MB21D2: variants seen among roughly 807,000 people sequenced by gnomAD.
The protein encoded by MB21D2 is Mab-21 domain containing 2.
A neutral mutation model predicts 33.3 loss-of-function variants in MB21D2; 9 were observed. The observed-to-expected ratio is 0.27, with a 90% CI of 0.16 to 0.47. The LOEUF is 0.47. Among genes scored for constraint, MB21D2 ranks in the 20% least tolerant of loss-of-function variants. MB21D2 has a pLI of 0.99. For synonymous variants in MB21D2, 241 were observed against 236.3 expected, an observed-to-expected ratio of 1.02 and a Z score of -0.18; for missense variants, 540 against 624.6, an observed-to-expected ratio of 0.86 and a Z score of 1.44.
chr3:192,899,152 T>C (rs1429314981), intron 1 of MB21D2, among the ~76,000 whole-genome samples: 4 of 152,158 alleles, frequency 2.6e-5, no homozygotes, highest in African/African-American at 9.7e-5. Flanking sequence ...AAGAAATACA[T>C]GGTAAAACGG....
rs201114331 is a variant in MB21D2 at position 192,908,399 on chromosome 3, C to CT, written c.211+9230dup. ...AAACACAGGAAAGGTAAATTTTCTT[C>CT]TTTTTTTTTTTTTTTTTGAGACAGA... On this transcript the variant is annotated intron_variant, in intron 1 of 1. Transcript: ENST00000392452. 5.0e-3 allele frequency among the ~76,000 whole-genome samples: 695 copies of CT among 137,884 alleles called. 3 individuals carry two copies. The highest frequency in any genetic ancestry group is 0.011 in the African/African-American group (414 of 38,120). 90.5% of individuals were successfully genotyped at this position (137,884 alleles called of 152,430 possible). A position where few individuals can be genotyped will look rare whatever the true frequency, so the allele number is the denominator to read the frequency against.
rs550141658 is a variant in MB21D2 at position 192,863,020 on chromosome 3, C to T, written c.211+54610G>A. Among the ~76,000 whole-genome samples, 3 of 152,252 alleles carry T rather than the reference C, an allele frequency of 2.0e-5. No individual in the cohort carries two copies. In the South Asian group the frequency reaches 6.2e-4, roughly 32 times the overall value. On this transcript the variant is annotated intron_variant, in intron 1 of 1. Transcript: ENST00000392452. The stretch of plus-strand genomic sequence containing the variant: ...AAGGGCAGAGACCTCATGACCTAAT[C>T]ACCTGCTGAAGGTTCCATCTCTTAA...
chr3:192,797,531 A>C lies in MB21D2; in HGVS notation c.*855T>G, dbSNP rs1262913526. ...TGCAAAGAATCATTTCACTGATAGA[A>C]ATGGGCAAAATGAAAAAATGATAGA... On this transcript the variant is annotated 3_prime_UTR_variant, in exon 2 of 2. Transcript: ENST00000392452. 6.6e-6 allele frequency: 1 copy of C among 152,620 alleles called. No homozygotes were observed. Among genetic ancestry groups the C allele is most frequent in the Non-Finnish European group, 1.5e-5 (1 of 68,042 alleles). 9.5% of individuals were successfully genotyped at this position (152,620 alleles called of 1,614,324 possible).
chr3:192,884,233 C>G (rs1163908912), intron 1 of MB21D2, among the ~76,000 whole-genome samples: 8 of 152,150 alleles, frequency 5.3e-5, no homozygotes, highest in African/African-American at 1.4e-4. Context: ...CATTCCTTAA[C>G]TTCTCCACCA....
chr3:192,857,064 C>T (rs1301311563), intron 1 of MB21D2, among the ~76,000 whole-genome samples: 2 of 152,094 alleles, frequency 1.3e-5, no homozygotes, highest in African/African-American at 2.4e-5. Context: ...GCTATGACTG[C>T]ATGCTTTTCA....
intron 1 of MB21D2, among the ~76,000 whole-genome samples, chr3:192,910,829 AG>A (rs1449032072): frequency 6.6e-6 from 1 of 152,232 alleles, no homozygotes; most frequent in Non-Finnish European, 1.5e-5. Flanking sequence ...GGGCAGAATT[AG>A]GCCCAACATA....
intron 1 of MB21D2, among the ~76,000 whole-genome samples, chr3:192,828,908 C>G (rs957458878): frequency 6.6e-6 from 1 of 151,612 alleles, no homozygotes; most frequent in Non-Finnish European, 1.5e-5. Flanking sequence ...CTCGGCCTTC[C>G]AAAGTGCTGG....
intron 1 of MB21D2, among the ~76,000 whole-genome samples, chr3:192,852,824 C>T (rs190876651): frequency 1.0e-3 from 156 of 152,302 alleles, no homozygotes; most frequent in Middle Eastern, 3.4e-3. Flanking sequence ...GTCACTTTAA[C>T]CAAGATGCCC....
intron 1 of MB21D2, among the ~76,000 whole-genome samples, chr3:192,846,332 G>A (rs1236562280): frequency 6.6e-6 from 1 of 152,132 alleles, no homozygotes; most frequent in East Asian, 1.9e-4. Flanking sequence ...TTTAGAGAGT[G>A]CTTACTATAG....
At chr3:192,805,398 G>T (rs956157674) in intron 1 of MB21D2, among the ~76,000 whole-genome samples, 5 of 152,158 alleles carry the variant, frequency 3.3e-5, no homozygotes, top group African/African-American at 7.2e-5. Flanking sequence ...CTCACAATTA[G>T]GATAATATGT....
intron 1 of MB21D2, among the ~76,000 whole-genome samples, chr3:192,892,028 T>G (rs193165689): frequency 3.0e-4 from 45 of 152,270 alleles, no homozygotes; most frequent in African/African-American, 1.0e-3. Flanking sequence ...ATCTTGTACA[T>G]TCTCTTGTGT....
intron 1 of MB21D2, among the ~76,000 whole-genome samples, chr3:192,838,619 G>T (rs1171571941): frequency 6.6e-6 from 1 of 151,912 alleles, no homozygotes; most frequent in Non-Finnish European, 1.5e-5. Flanking sequence ...TAATAGAGAT[G>T]GGGTTTCACC....
chr3:192,850,737 C>T (rs1377130178), intron 1 of MB21D2, among the ~76,000 whole-genome samples: 9 of 152,264 alleles, frequency 5.9e-5, no homozygotes, highest in Non-Finnish European at 1.0e-4. Context: ...CTCAAATCCA[C>T]TGCGCACCAT....
At chr3:192,912,771 T>C (rs763954611) in intron 1 of MB21D2, among the ~76,000 whole-genome samples, 1 of 152,182 alleles carries the variant, frequency 6.6e-6, no homozygotes, top group Non-Finnish European at 1.5e-5. Flanking sequence ...TGATGGAAAC[T>C]GATTGCTACT....
At chr3:192,914,959 G>T (rs1173113976) in intron 1 of MB21D2, among the ~76,000 whole-genome samples, 1 of 152,182 alleles carries the variant, frequency 6.6e-6, no homozygotes, top group African/African-American at 2.4e-5. Flanking sequence ...AGGGGCTTCA[G>T]ACTTGGCTAA....
At chr3:192,909,840 G>A (rs1714301372) in intron 1 of MB21D2, among the ~76,000 whole-genome samples, 2 of 148,354 alleles carry the variant, frequency 1.3e-5, no homozygotes, top group South Asian at 4.3e-4. Context: ...GCTGAGGCAG[G>A]AGAATCACTG....
chr3:192,804,859 A>T (rs1711630063), intron 1 of MB21D2, among the ~76,000 whole-genome samples: 1 of 152,212 alleles, frequency 6.6e-6, no homozygotes, highest in African/African-American at 2.4e-5. Context: ...CTTACCTGAC[A>T]TTCTGAGGAA....
intron 1 of MB21D2, among the ~76,000 whole-genome samples, chr3:192,832,809 CG>C (rs932281747): frequency 6.6e-6 from 1 of 151,950 alleles, no homozygotes; most frequent in Non-Finnish European, 1.5e-5. Context: ...AAAAGGGGAC[CG>C]GGGGGAAGAG....
intron 1 of MB21D2, among the ~76,000 whole-genome samples, chr3:192,811,550 C>T (rs1711788027): frequency 6.6e-6 from 1 of 152,176 alleles, no homozygotes; most frequent in South Asian, 2.1e-4. Flanking sequence ...GATCTGAGAA[C>T]AATTCTCAAA....
Sources: gnomAD v4.1 joint callset for allele counts (sites outside exome capture counted in the v4.1 genomes callset) on GRCh38, gnomAD v4.1.1 for gene constraint, MANE v1.5 for transcripts, NCBI Gene and HGNC (gene_info 2026-07-23, HGNC 2026-07-21) for gene names.